DNAH10: variants seen among roughly 807,000 people sequenced by gnomAD.
DNAH10 encodes dynein axonemal heavy chain 10.
DNAH10 carries 348 observed loss-of-function variants against 506.6 expected under a neutral mutation model. That is an observed-to-expected ratio of 0.69 (90% CI 0.63 to 0.75). DNAH10 has a LOEUF of 0.75. Among genes scored for constraint, DNAH10 ranks in the 30% least tolerant of loss-of-function variants. The probability of loss-of-function intolerance (pLI) is 0.00; values close to 1 mark genes in which losing one functional copy is unlikely to be tolerated. For synonymous variants in DNAH10, 2,059 were observed against 2,198.6 expected, an observed-to-expected ratio of 0.94 and a Z score of 1.78; for missense variants, 5,179 against 5,787.1, an observed-to-expected ratio of 0.89 and a Z score of 3.41.
At chr12:123,931,036 A>C (rs528491189) in intron 73 of DNAH10, among the ~76,000 whole-genome samples, 2 of 152,212 alleles carry the variant, frequency 1.3e-5, no homozygotes, top group East Asian at 3.9e-4. Flanking sequence ...TAAACAAAAA[A>C]TCAAAACAAA....
Position 123,894,210 on chromosome 12 carries a change from C to T in DNAH10, c.9200-433C>T, listed in dbSNP as rs112014708. 2.0e-5 allele frequency among the ~76,000 whole-genome samples: 3 copies of T among 151,518 alleles called. No homozygotes were observed. In the East Asian group the frequency reaches 5.8e-4, roughly 29 times the overall value. On this transcript the variant is annotated intron_variant, in intron 53 of 78. Transcript: ENST00000673944. ...GGCTCAAATGAGCCTCTCACCTCAG[C>T]CTCCCTAGTGGCTGGGACTATAGGC...
intron 37 of DNAH10, 96 bp from the exon 38 acceptor site, chr12:123,859,054 C>G (rs1207831635): frequency 8.5e-7 from 1 of 1,171,554 alleles, no homozygotes; most frequent in African/African-American, 1.5e-5. Context: ...TGTACCCTTT[C>G]AAAGGTAAAT....
In DNAH10 at chr12:123,813,145, C is replaced by T; in HGVS notation, c.3145-19C>T. On this transcript the variant is annotated intron_variant, in intron 19 of 78. Transcript: ENST00000673944. ...AGATACTAAAATACTGTCTTTTCTCCTAATTCTTACTTTGCCAGCATTTTG... is the reference window on the plus strand; with the variant it reads ...AGATACTAAAATACTGTCTTTTCTCTTAATTCTTACTTTGCCAGCATTTTG... 1 of 1,579,052 alleles carries T rather than the reference C, an allele frequency of 6.3e-7. No homozygotes were observed. The highest frequency in any genetic ancestry group is 8.6e-7 in the Non-Finnish European group (1 of 1,160,160).
At chr12:123,930,691 G>T in intron 73 of DNAH10, 118 bp downstream of exon 73, 1 of 1,159,994 alleles carries the variant, frequency 8.6e-7, no homozygotes, top group South Asian at 1.6e-5. Flanking sequence ...GGTCTGTTAA[G>T]CCTGTTAGGT....
At chr12:123,767,741 C>T in intron 2 of DNAH10, 52 bp downstream of exon 2, 2 of 1,505,840 alleles carry the variant, frequency 1.3e-6, no homozygotes, top group South Asian at 2.4e-5. Flanking sequence ...AGCCCCCCCG[C>T]AGCGGGAGTA....
rs1338059825 is a variant in DNAH10, at chr12:123,787,755, G to C, written c.1422-49G>C. The stretch of plus-strand genomic sequence containing the variant: ...CTCCCCAGCCGGGGAGTGCGGCTCG[G>C]ACCCGGAGCTCCGCCCTCCTCCCAT... On this transcript the variant is annotated intron_variant, in intron 9 of 78. Transcript: ENST00000673944. The surrounding 1 kb of genome is among the most constrained non-coding windows in gnomAD (Gnocchi z 4.6). The C allele has an allele frequency of 6.3e-7, 1 of 1,583,224 alleles. No individual in the cohort carries two copies. Among genetic ancestry groups the C allele is most frequent in the Non-Finnish European group, 8.6e-7 (1 of 1,165,500 alleles).
In DNAH10 at chr12:123,867,899, C is replaced by A; in HGVS notation, c.7303-4C>A. The A allele has an allele frequency of 6.2e-7, 1 of 1,611,848 alleles. No homozygotes were observed. Among genetic ancestry groups the A allele is most frequent in the African/African-American group, 1.3e-5 (1 of 74,998 alleles). ...GCTGAACCAGATATTTTCCTGTGAA[C>A]CAGGTAACCCAGTTAGCCAAGATGT... On this transcript the variant is annotated splice_polypyrimidine_tract_variant and splice_region_variant and intron_variant, in intron 42 of 78. Coordinates refer to ENST00000673944, the MANE Select transcript of DNAH10 (RefSeq NM_001372106.1).
chr12:123,915,131 A>G, intron 62 of DNAH10, 132 bp downstream of exon 62: 2 of 1,256,510 alleles, frequency 1.6e-6, no homozygotes, highest in South Asian at 3.2e-5. Context: ...CCTGACCCCC[A>G]TGCGGAGCCC....
intron 30 of DNAH10, among the ~76,000 whole-genome samples, chr12:123,843,548 G>T (rs1352136274): frequency 6.6e-6 from 1 of 151,978 alleles, no homozygotes; most frequent in Non-Finnish European, 1.5e-5. Context: ...AAAGGTCAAT[G>T]TTATTTTTAT....
chr12:123,852,985 T>C (rs1344360238), intron 35 of DNAH10, among the ~76,000 whole-genome samples: 2 of 152,296 alleles, frequency 1.3e-5, no homozygotes, highest in East Asian at 3.9e-4. Flanking sequence ...AAGATTTTGG[T>C]AACACAGATG....
At chr12:123,934,979 G>A (rs1036636526) in intron 78 of DNAH10, 4 of 657,550 alleles carry the variant, frequency 6.1e-6, no homozygotes, top group Non-Finnish European at 1.0e-5. Context: ...GGTCCTTCCA[G>A]AGGTGTCAGG....
At chr12:123,918,568 C>G (rs1954588947) in intron 64 of DNAH10, 108 bp from the exon 65 acceptor site, 1 of 1,356,346 alleles carries the variant, frequency 7.4e-7, no homozygotes. Context: ...TGGATACTTT[C>G]AAAGCCCTGA....
Position 123,929,305 on chromosome 12 carries a change from C to G in DNAH10, c.12337C>G (p.Leu4113Val), listed in dbSNP as rs904314961. ...CACCGAGCCACCCAATGGGCTGAAACTCAACATGAGGGCAACTTACTTCAA... is the reference window on the plus strand; with the variant it reads ...CACCGAGCCACCCAATGGGCTGAAAGTCAACATGAGGGCAACTTACTTCAA... ...VVTEPPNGLK[L>V]NMRATYFKIS... is the part of the protein sequence containing the mutation. Residue 4113 changes from leucine (L) to valine (V), a missense_variant, in exon 71 of 79, where the codon CTC becomes GTC. By Grantham distance (32) the Leu-to-Val change is conservative. This residue lies in a region of DNAH10 where 4,844 missense variants were observed against 5,430.5 expected (regional missense o/e 0.89). Transcript: ENST00000673944. 4 of 1,602,920 alleles carry G rather than the reference C, an allele frequency of 2.5e-6. No individual in the cohort carries two copies. In the African/African-American group the frequency reaches 5.3e-5, roughly 21 times the overall value.
In DNAH10 at chr12:123,916,509, AG is replaced by A. The variant is rs748612483; in HGVS notation, c.10776del (p.Lys3592AsnfsTer18). Reference sequence around the variant, plus strand: ...CTCAAGCAGCTAGAGATGTCCATAAAGTACGGGACCCCTTTCCTGTTCCGCG... The same window carrying A: ...CTCAAGCAGCTAGAGATGTCCATAAATACGGGACCCCTTTCCTGTTCCGCG... ...DFLKQLEMSI[K>X]YGTPFLFRDV... is the part of the protein sequence containing the mutation. On this transcript the variant is annotated frameshift_variant, in exon 63 of 79. Coordinates refer to ENST00000673944, the MANE Select transcript of DNAH10 (RefSeq NM_001372106.1). LOFTEE classifies it high-confidence loss of function. The surrounding 1 kb of genome is among the most constrained non-coding windows in gnomAD (Gnocchi z 4.6). 7 of 1,613,818 alleles carry A rather than the reference AG, an allele frequency of 4.3e-6. No homozygotes were observed. Among genetic ancestry groups the A allele is most frequent in the Middle Eastern group, 1.6e-4 (1 of 6,062 alleles).
chr12:123,874,881 C>G (rs1258405313), intron 46 of DNAH10, among the ~76,000 whole-genome samples: 1 of 151,904 alleles, frequency 6.6e-6, no homozygotes. Flanking sequence ...GTCCATCTGC[C>G]CATCCATCAA....
intron 5 of DNAH10, among the ~76,000 whole-genome samples, chr12:123,777,954 T>C (rs1363809433): frequency 6.6e-6 from 1 of 152,132 alleles, no homozygotes; most frequent in African/African-American, 2.4e-5. Flanking sequence ...TGAGCCACCA[T>C]ATCTGGCCAC....
intron 51 of DNAH10, among the ~76,000 whole-genome samples, chr12:123,885,093 G>T (rs1952673291): frequency 6.6e-6 from 1 of 152,206 alleles, no homozygotes; most frequent in Admixed American, 6.5e-5. Context: ...TTATCTGGAT[G>T]TGACCCCATC....
At chr12:123,768,009 C>A (rs372455424) in intron 2 of DNAH10, among the ~76,000 whole-genome samples, 52 of 152,306 alleles carry the variant, frequency 3.4e-4, no homozygotes, top group African/African-American at 1.2e-3. Context: ...CTCCTCACTG[C>A]AGTCTGGGGG....
chr12:123,910,475 T>C, intron 58 of DNAH10, 61 bp from the exon 59 acceptor site: 1 of 1,577,346 alleles, frequency 6.3e-7, no homozygotes, highest in Non-Finnish European at 8.6e-7. Flanking sequence ...TTATTTTGTC[T>C]ATTTTATGCT....
Sources: gnomAD v4.1 joint callset for allele counts (sites outside exome capture counted in the v4.1 genomes callset) on GRCh38, gnomAD v4.1.1 for gene constraint, gnomAD v4.1.1 regional missense constraint, Gnocchi (gnomAD v3.1) non-coding constraint, MANE v1.5 for transcripts, NCBI Gene and HGNC (gene_info 2026-07-23, HGNC 2026-07-21) for gene names.